The following NFYC variants were observed in gnomAD, a reference collection of about 807,000 sequenced individuals.
NFYC encodes CAAT box DNA-binding protein subunit C.
A neutral mutation model predicts 53.1 loss-of-function variants in NFYC; 25 were observed. That is an observed-to-expected ratio of 0.47 (90% CI 0.34 to 0.66). The LOEUF (loss-of-function observed/expected upper bound fraction) is 0.66. NFYC is among the 30% of genes least tolerant of loss of function. The probability of loss-of-function intolerance (pLI) is 0.01; values close to 1 mark genes in which losing one functional copy is unlikely to be tolerated. For synonymous variants in NFYC, 145 were observed against 152.6 expected, an observed-to-expected ratio of 0.95 and a Z score of 0.37; for missense variants, 260 against 422.7, an observed-to-expected ratio of 0.62 and a Z score of 3.38.
At position 40,769,372 on chromosome 1, in the gene NFYC, T is replaced by G; in HGVS notation, c.845T>G (p.Val282Gly). The G allele has an allele frequency of 6.2e-7, 1 of 1,613,750 alleles. No homozygotes were observed. The highest frequency in any genetic ancestry group is 8.5e-7 in the Non-Finnish European group (1 of 1,179,932). ...TTCTTACAGATTACACAGACAGAGG[T>G]CCAGCAAGGACAGCAGCAGTTCAGC... is the stretch of plus-strand genomic sequence containing the variant. ...TNAQQITQTE[V>G]QQGQQQFSQF... The change falls in exon 9 of 10, where the codon GTC becomes GGC. Residue 282 changes from valine to glycine, a missense_variant. Val to Gly is a moderately radical substitution (Grantham distance 109). Transcript: ENST00000447388.
Position 40,770,165 on chromosome 1 carries a change from C to T in NFYC, c.889-544C>T, listed in dbSNP as rs998555917. Among the ~76,000 whole-genome samples the T allele has an allele frequency of 3.9e-5, 6 of 152,178 alleles. No homozygotes were observed. Among genetic ancestry groups the T allele is most frequent in the African/African-American group, 1.4e-4 (6 of 41,428 alleles). ...TGGCTGTGTGAGTATCTTCTCCACC[C>T]CTGGAGCGTCTTGGCTATAGTTAAG... On this transcript the variant is annotated intron_variant, in intron 9 of 9. Coordinates refer to ENST00000447388, the MANE Select transcript of NFYC (RefSeq NM_014223.5). The surrounding 1 kb of genome is among the most constrained non-coding windows in gnomAD (Gnocchi z 5.3).
intron 2 of NFYC, among the ~76,000 whole-genome samples, chr1:40,747,231 A>G (rs900853813): frequency 4.4e-5 from 5 of 114,700 alleles, no homozygotes; most frequent in African/African-American, 6.8e-5. Flanking sequence ...ATGTCCCTCT[A>G]TGTTGTGCTG....
At chr1:40,704,670 G>A (rs544180839) in intron 1 of NFYC, among the ~76,000 whole-genome samples, 1 of 152,298 alleles carries the variant, frequency 6.6e-6, no homozygotes, top group South Asian at 2.1e-4. Context: ...TAAAAACTAC[G>A]CTGAAGACCT....
chr1:40,745,176 G>A (rs1246921134), intron 2 of NFYC, among the ~76,000 whole-genome samples: 1 of 152,038 alleles, frequency 6.6e-6, no homozygotes, highest in East Asian at 1.9e-4. Flanking sequence ...AATTGAAGGA[G>A]TAATAGTTTA....
chr1:40,735,546 T>TG, intron 1 of NFYC: 1 of 964,692 alleles, frequency 1.0e-6, no homozygotes, highest in Non-Finnish European at 1.2e-6. Context: ...TGTAATGTTT[T>TG]GGGGGGATAT....
rs550404442 is a variant in NFYC, at chr1:40,727,604, C to T, written c.-8-11232C>T. 5.3e-5 allele frequency among the ~76,000 whole-genome samples: 8 copies of T among 150,002 alleles called. No homozygotes were observed. In the South Asian group the frequency reaches 1.5e-3, roughly 28 times the overall value. On this transcript the variant is annotated intron_variant, in intron 1 of 9. Transcript: ENST00000447388. ...GGAGTGCAGTGGCACGATTTCGGCT[C>T]ACTGCAACCTCCGCCTCCCAGATTC...
At chr1:40,735,561 G>A in intron 1 of NFYC, 2 of 983,346 alleles carry the variant, frequency 2.0e-6, no homozygotes, top group Non-Finnish European at 2.4e-6. Flanking sequence ...GGATATCAGA[G>A]GACAGCCAGA....
chr1:40,735,235 T>C (rs1328466578), intron 1 of NFYC: 1 of 151,632 alleles, frequency 6.6e-6, no homozygotes, highest in Non-Finnish European at 1.5e-5. Context: ...ATGTAAAGGA[T>C]ATTATTGACT....
At chr1:40,702,286 G>A (rs1453574083) in intron 1 of NFYC, among the ~76,000 whole-genome samples, 2 of 151,008 alleles carry the variant, frequency 1.3e-5, no homozygotes, top group East Asian at 3.9e-4. Context: ...TTATTCTAAT[G>A]ACGTGGTCAT....
chr1:40,754,388 G>A (rs2148707707), intron 5 of NFYC: 1 of 534,468 alleles, frequency 1.9e-6, no homozygotes, highest in South Asian at 1.4e-5. Flanking sequence ...ATCCTTGACT[G>A]GAAGCTGTAA....
chr1:40,699,566 A>G (rs1643331399), intron 1 of NFYC, among the ~76,000 whole-genome samples: 1 of 152,244 alleles, frequency 6.6e-6, no homozygotes, highest in African/African-American at 2.4e-5. Flanking sequence ...GCCTTTTAAG[A>G]AGCCAAGAAT....
At chr1:40,759,005 G>A (rs142620475) in intron 6 of NFYC, among the ~76,000 whole-genome samples, 2 of 152,140 alleles carry the variant, frequency 1.3e-5, no homozygotes, top group Non-Finnish European at 2.9e-5. Flanking sequence ...TCACAATTTA[G>A]TTGGGGATAC....
intron 6 of NFYC, 43 bp from the exon 7 acceptor site, chr1:40,762,845 T>A (rs1646619870): frequency 6.7e-7 from 1 of 1,488,386 alleles, no homozygotes; most frequent in African/African-American, 1.4e-5. Context: ...CTGTGGGCTC[T>A]GAGCCTGAAC....
chr1:40,769,134 A>C (rs1431556427), intron 8 of NFYC: 1 of 536,922 alleles, frequency 1.9e-6, no homozygotes, highest in African/African-American at 1.9e-5. Context: ...ACTATCTATT[A>C]TGTGCTCCAG....
chr1:40,747,557 C>T lies in NFYC; in HGVS notation c.129C>T (p.Leu43=). ...AGAAAGACTTCCGAGTGCAGGAACT[C>T]CCACTGGCTCGTATTAAGAAGATTA... ...LTVKDFRVQE[L]PLARIKKIMK... Residue 43 remains leucine (L), a synonymous_variant, in exon 3 of 10, where the codon CTC becomes CTT. Coordinates refer to ENST00000447388, the MANE Select transcript of NFYC (RefSeq NM_014223.5). 1.2e-6 allele frequency: 2 copies of T among 1,613,334 alleles called. No homozygotes were observed. Among genetic ancestry groups the T allele is most frequent in the African/African-American group, 1.3e-5 (1 of 75,012 alleles).
chr1:40,705,041 G>C (rs1643629092), intron 1 of NFYC, among the ~76,000 whole-genome samples: 1 of 152,154 alleles, frequency 6.6e-6, no homozygotes, highest in Non-Finnish European at 1.5e-5. Flanking sequence ...TGCTTATTCA[G>C]GCATAGTACA....
chr1:40,706,095 T>G (rs1643679837), intron 1 of NFYC, among the ~76,000 whole-genome samples: 1 of 152,256 alleles, frequency 6.6e-6, no homozygotes, highest in Non-Finnish European at 1.5e-5. Context: ...GTTTATGCTA[T>G]CTACACATAT....
At chr1:40,746,917 C>T (rs986037724) in intron 2 of NFYC, among the ~76,000 whole-genome samples, 4 of 152,144 alleles carry the variant, frequency 2.6e-5, no homozygotes, top group Admixed American at 2.6e-4. Context: ...CATCCTTTTT[C>T]TATACTCCTC....
intron 1 of NFYC, among the ~76,000 whole-genome samples, chr1:40,706,682 A>G (rs1257729727): frequency 1.7e-4 from 26 of 152,186 alleles, no homozygotes; most frequent in Admixed American, 1.6e-3. Context: ...AAGAAAAGAA[A>G]AACATGCTAA....
Sources: allele counts gnomAD v4.1 joint callset (sites outside exome capture counted in the v4.1 genomes callset), GRCh38; gene constraint gnomAD v4.1.1; non-coding constraint Gnocchi (gnomAD v3.1); transcripts MANE v1.5; gene names NCBI Gene and HGNC (gene_info 2026-07-23, HGNC 2026-07-21).